Variants in ADGRB3 observed in about 807,000 individuals in gnomAD.
The protein encoded by ADGRB3 is brain-specific angiogenesis inhibitor 3.
In ADGRB3, 37 loss-of-function variants were observed where a neutral mutation model predicts 193.4. The ratio of observed to expected loss-of-function variants is 0.19; its 90% CI spans 0.15 to 0.25. The LOEUF is 0.25. Ranked by LOEUF, ADGRB3 falls within the 10% of genes least tolerant of loss-of-function variation. The probability of loss-of-function intolerance (pLI) is 1.00; values close to 1 mark genes in which losing one functional copy is unlikely to be tolerated. For synonymous variants in ADGRB3, 690 were observed against 644.2 expected, an observed-to-expected ratio of 1.07 and a Z score of -1.08; for missense variants, 1,637 against 1,852.9, an observed-to-expected ratio of 0.88 and a Z score of 2.14.
chr6:68,885,703 G>T lies in ADGRB3; in HGVS notation c.758-44856G>T, dbSNP rs76917950. 7.7e-3 allele frequency among the ~76,000 whole-genome samples: 1,172 copies of T among 152,238 alleles called. 8 individuals carry two copies. The highest frequency in any genetic ancestry group is 0.014 in the Non-Finnish European group (978 of 67,982). On this transcript the variant is annotated intron_variant, in intron 3 of 31. Transcript: ENST00000370598. ...ACAGAAAGGGGAGATATTGATCAAAGATACAAAATTTCAGTTAGCCTTCAG... is the reference window on the plus strand; with the variant it reads ...ACAGAAAGGGGAGATATTGATCAAATATACAAAATTTCAGTTAGCCTTCAG...
chr6:68,792,384 A>G (rs939150366), intron 3 of ADGRB3, among the ~76,000 whole-genome samples: 2 of 152,224 alleles, frequency 1.3e-5, no homozygotes, highest in South Asian at 2.1e-4. Context: ...TCCTATGAGC[A>G]TTAATGCTTG....
intron 17 of ADGRB3, among the ~76,000 whole-genome samples, chr6:69,142,834 T>C (rs980989325): frequency 6.6e-6 from 1 of 152,204 alleles, no homozygotes; most frequent in Non-Finnish European, 1.5e-5. Flanking sequence ...TGGGAGTATG[T>C]ACATATTCTA....
chr6:69,345,058 T>G (rs144610180), intron 26 of ADGRB3, among the ~76,000 whole-genome samples: 1 of 152,180 alleles, frequency 6.6e-6, no homozygotes, highest in African/African-American at 2.4e-5. Flanking sequence ...TGATGACATT[T>G]GAGGACAAAG....
chr6:69,332,227 GATTTC>G lies in ADGRB3; in HGVS notation c.3103-688_3103-684del, dbSNP rs1350318767. 1.1e-5 allele frequency: 11 copies of G among 985,130 alleles called. No individual in the cohort carries two copies. The Admixed American group carries it at 6.2e-4, about 55-fold the overall frequency. The allele number at this position is 985,130 out of a possible 1,614,324, so 61.0% of individuals were successfully genotyped here. On this transcript the variant is annotated intron_variant, in intron 23 of 31. Transcript: ENST00000370598. ...TACTTGAAAAAGGAAAAATATGTGT[GATTTC>G]ATTTCATGTATCATGCAAAAGACCT...
intron 3 of ADGRB3, among the ~76,000 whole-genome samples, chr6:68,642,570 A>G (rs1768107066): frequency 6.6e-6 from 1 of 152,142 alleles, no homozygotes; most frequent in Non-Finnish European, 1.5e-5. Flanking sequence ...TATTTGACTA[A>G]TGCTTCATTA....
chr6:68,816,987 C>T (rs2127378464), intron 3 of ADGRB3, among the ~76,000 whole-genome samples: 1 of 151,910 alleles, frequency 6.6e-6, no homozygotes, highest in Admixed American at 6.6e-5. Flanking sequence ...GTTAAGCCAA[C>T]CCCCAGGTTT....
chr6:69,260,588 T>C (rs1267372658), intron 20 of ADGRB3, among the ~76,000 whole-genome samples: 1 of 152,150 alleles, frequency 6.6e-6, no homozygotes, highest in East Asian at 1.9e-4. Flanking sequence ...ACCAGTTTTC[T>C]TAAGAGTGAA....
In ADGRB3 at chr6:68,803,212, C is replaced by G. The variant is rs983350538; in HGVS notation, c.758-127347C>G. Reference sequence around the variant, plus strand: ...TTCAAAGACCCAGATCAAATGTCAACTAATGTAACAATCCAAGAGCTGGGC... The same window carrying G: ...TTCAAAGACCCAGATCAAATGTCAAGTAATGTAACAATCCAAGAGCTGGGC... On this transcript the variant is annotated intron_variant, in intron 3 of 31. Coordinates refer to ENST00000370598, the MANE Select transcript of ADGRB3 (RefSeq NM_001704.3). 3.8e-4 allele frequency among the ~76,000 whole-genome samples: 58 copies of G among 152,230 alleles called. 2 individuals carry two copies. In the South Asian group the frequency reaches 4.8e-3, roughly 12 times the overall value.
intron 3 of ADGRB3, among the ~76,000 whole-genome samples, chr6:68,922,462 T>A (rs2150242791): frequency 1.3e-5 from 2 of 152,328 alleles, no homozygotes; most frequent in Middle Eastern, 6.8e-3. Flanking sequence ...AGAAAATGTC[T>A]TGAGGAAACG....
intron 17 of ADGRB3, among the ~76,000 whole-genome samples, chr6:69,138,256 T>A (rs931711995): frequency 1.3e-5 from 2 of 152,196 alleles, no homozygotes; most frequent in Non-Finnish European, 2.9e-5. Flanking sequence ...TGTTCCAGCA[T>A]CAGAAAAATG....
At chr6:68,752,425 C>T (rs899957770) in intron 3 of ADGRB3, among the ~76,000 whole-genome samples, 3 of 151,738 alleles carry the variant, frequency 2.0e-5, no homozygotes, top group Non-Finnish European at 4.4e-5. Flanking sequence ...TACAGGCGTG[C>T]ACCACCATGC....
intron 17 of ADGRB3, among the ~76,000 whole-genome samples, chr6:69,155,232 C>T (rs992713906): frequency 2.6e-5 from 4 of 152,126 alleles, no homozygotes; most frequent in Non-Finnish European, 5.9e-5. Context: ...ATATTTCATG[C>T]CGTGACAATG....
At chr6:68,891,398 C>A (rs1267592799) in intron 3 of ADGRB3, among the ~76,000 whole-genome samples, 1 of 152,016 alleles carries the variant, frequency 6.6e-6, no homozygotes, top group African/African-American at 2.4e-5. Context: ...ATTTGAGGAC[C>A]TTGATTTAAA....
At chr6:69,232,919 A>G (rs918738886) in intron 17 of ADGRB3, 2 of 480,750 alleles carry the variant, frequency 4.2e-6, no homozygotes, top group African/African-American at 3.9e-5. Flanking sequence ...GCCTCTTTAC[A>G]CCCTGAGTAT....
intron 3 of ADGRB3, among the ~76,000 whole-genome samples, chr6:68,918,191 G>T (rs1766935096): frequency 6.6e-6 from 1 of 152,056 alleles, no homozygotes; most frequent in Non-Finnish European, 1.5e-5. Context: ...ATTATAATTG[G>T]ATAATTAGTG....
chr6:69,045,053 C>T (rs1261151980), intron 13 of ADGRB3, among the ~76,000 whole-genome samples: 3 of 152,086 alleles, frequency 2.0e-5, no homozygotes, highest in Admixed American at 1.3e-4. Context: ...TAAGGCATTA[C>T]GTTTTTAAAT....
intron 3 of ADGRB3, among the ~76,000 whole-genome samples, chr6:68,776,346 T>C (rs572037097): frequency 8.5e-5 from 13 of 152,288 alleles, no homozygotes; most frequent in African/African-American, 3.1e-4. Context: ...GGGTTACATA[T>C]GATGATTCTC....
intron 3 of ADGRB3, among the ~76,000 whole-genome samples, chr6:68,674,927 G>T (rs374308738): frequency 6.6e-6 from 1 of 152,160 alleles, no homozygotes; most frequent in Non-Finnish European, 1.5e-5. Context: ...GGTTCTACCT[G>T]GAGTATAGGG....
intron 20 of ADGRB3, among the ~76,000 whole-genome samples, chr6:69,257,559 G>T (rs552345499): frequency 9.7e-4 from 148 of 152,274 alleles, no homozygotes; most frequent in African/African-American, 3.4e-3. Flanking sequence ...AAAAGATGAT[G>T]TTTGAGGTAA....
Sources: allele counts gnomAD v4.1 joint callset (sites outside exome capture counted in the v4.1 genomes callset), GRCh38; gene constraint gnomAD v4.1.1; transcripts MANE v1.5; gene names NCBI Gene and HGNC (gene_info 2026-07-23, HGNC 2026-07-21).